LSAMP: variants seen among roughly 807,000 people sequenced by gnomAD.
LSAMP encodes the protein limbic system associated membrane protein.
Under a neutral mutation model 38.6 loss-of-function variants are expected in LSAMP, and 7 were observed. The observed-to-expected ratio is 0.18, with a 90% confidence interval of 0.10 to 0.34. The LOEUF (loss-of-function observed/expected upper bound fraction) is 0.34. Ranked by LOEUF, LSAMP falls within the 10% of genes least tolerant of loss-of-function variation. The probability of loss-of-function intolerance (pLI) is 1.00; values close to 1 mark genes in which losing one functional copy is unlikely to be tolerated. For synonymous variants in LSAMP, 154 were observed against 166.8 expected (o/e 0.92, Z 0.59); for missense variants, 313 against 420.0 (o/e 0.75, Z 2.23).
chr3:116,232,957 CCCCCAA>C (rs1406170052), intron 1 of LSAMP, among the ~76,000 whole-genome samples: 1 of 151,782 alleles, frequency 6.6e-6, no homozygotes, highest in Admixed American at 6.6e-5. Context: ...TATTTAATAC[CCCCCAA>C]CCCCAACCAG....
intron 1 of LSAMP, among the ~76,000 whole-genome samples, chr3:116,321,320 T>A (rs959281833): frequency 6.6e-6 from 1 of 151,998 alleles, no homozygotes; most frequent in Non-Finnish European, 1.5e-5. Context: ...CTTCAGTAAG[T>A]CATGATCTTA....
intron 1 of LSAMP, among the ~76,000 whole-genome samples, chr3:116,321,583 G>A (rs376708792): frequency 1.3e-5 from 2 of 152,040 alleles, no homozygotes; most frequent in South Asian, 2.1e-4. Flanking sequence ...ACTGAATTGA[G>A]ATGGATTAAT....
chr3:116,182,169 C>G (rs919961123), intron 1 of LSAMP, among the ~76,000 whole-genome samples: 2 of 151,782 alleles, frequency 1.3e-5, no homozygotes, highest in Non-Finnish European at 2.9e-5. Flanking sequence ...TTGGTAGGTA[C>G]TGGTAGATTC....
At chr3:115,951,858 A>G (rs1351148184) in intron 3 of LSAMP, among the ~76,000 whole-genome samples, 3 of 152,052 alleles carry the variant, frequency 2.0e-5, no homozygotes, top group Non-Finnish European at 4.4e-5. Context: ...ATATATATAT[A>G]TATCCTATTA....
At chr3:116,350,964 G>A (rs571590062) in intron 1 of LSAMP, among the ~76,000 whole-genome samples, 41 of 152,108 alleles carry the variant, frequency 2.7e-4, no homozygotes, top group Middle Eastern at 3.4e-3. Flanking sequence ...CATGGTTTCA[G>A]GCGTCACTGA....
chr3:116,175,508 T>G (rs1174301258), intron 1 of LSAMP, among the ~76,000 whole-genome samples: 1 of 152,008 alleles, frequency 6.6e-6, no homozygotes, highest in Non-Finnish European at 1.5e-5. Context: ...TATCCTGCTT[T>G]GATTTAACCT....
intron 1 of LSAMP, among the ~76,000 whole-genome samples, chr3:116,172,822 G>A (rs964110371): frequency 6.6e-6 from 1 of 151,928 alleles, no homozygotes; most frequent in Non-Finnish European, 1.5e-5. Flanking sequence ...ATAACCTAAA[G>A]GTAAGGGTTG....
Position 115,837,446 on chromosome 3 carries a change from C to A in LSAMP, c.919+4399G>T, listed in dbSNP as rs965475001. Among the ~76,000 whole-genome samples, 3 of 119,610 alleles carry A rather than the reference C, an allele frequency of 2.5e-5. No individual in the cohort carries two copies. In the East Asian group the frequency reaches 5.9e-4, roughly 23 times the overall value. The allele number at this position is 119,610 out of a possible 152,430, so 78.5% of individuals were successfully genotyped here. ...CTCCTTATTCTCCTCCTAGACCAAA[C>A]GCTGACTACTAGGCTAAACGCTGAC... is the stretch of plus-strand genomic sequence containing the variant. On this transcript the variant is annotated intron_variant, in intron 6 of 6. Transcript: ENST00000490035.
At chr3:116,112,853 C>T (rs1377293909) in intron 1 of LSAMP, among the ~76,000 whole-genome samples, 1 of 152,188 alleles carries the variant, frequency 6.6e-6, no homozygotes, top group Non-Finnish European at 1.5e-5. Flanking sequence ...GCCCTTTTTA[C>T]ATTTTGAATC....
chr3:115,970,028 G>C lies in LSAMP; in HGVS notation c.514+49487C>G, dbSNP rs1273011394. On this transcript the variant is annotated intron_variant, in intron 3 of 6. Coordinates refer to ENST00000490035, the MANE Select transcript of LSAMP (RefSeq NM_002338.5). ...AACTGATTAATGACAATACTTCTGA[G>C]AGGTTGGAAGATGAGACATAGAGAA... is the stretch of plus-strand genomic sequence containing the variant. 1.2e-4 allele frequency among the ~76,000 whole-genome samples: 18 copies of C among 152,136 alleles called. 1 individual carries two copies. Among genetic ancestry groups the C allele is most frequent in the African/African-American group, 4.3e-4 (18 of 41,434 alleles).
At chr3:116,379,667 T>C (rs1576176720) in intron 1 of LSAMP, among the ~76,000 whole-genome samples, 1 of 152,012 alleles carries the variant, frequency 6.6e-6, no homozygotes, top group South Asian at 2.1e-4. Context: ...TTATAGGAAG[T>C]CAGAGGGTAC....
chr3:116,352,967 C>A (rs963237900), intron 1 of LSAMP, among the ~76,000 whole-genome samples: 1 of 152,106 alleles, frequency 6.6e-6, no homozygotes, highest in Non-Finnish European at 1.5e-5. Context: ...GAATTTCATA[C>A]CTAACTTCGT....
intron 1 of LSAMP, among the ~76,000 whole-genome samples, chr3:116,212,616 A>G (rs1234119290): frequency 6.6e-6 from 1 of 152,212 alleles, no homozygotes; most frequent in Non-Finnish European, 1.5e-5. Context: ...AGTTGATTAG[A>G]TACTAAAAAT....
chr3:116,411,000 A>G (rs1440405047), intron 1 of LSAMP, among the ~76,000 whole-genome samples: 16 of 152,066 alleles, frequency 1.1e-4, no homozygotes, highest in Admixed American at 1.0e-3. Flanking sequence ...GTTGAAATTT[A>G]ATCGTAACAG....
At chr3:116,004,756 T>C (rs1302052163) in intron 3 of LSAMP, among the ~76,000 whole-genome samples, 1 of 152,120 alleles carries the variant, frequency 6.6e-6, no homozygotes, top group African/African-American at 2.4e-5. Context: ...ATGGAATCCC[T>C]ACTGGTATCT....
intron 1 of LSAMP, among the ~76,000 whole-genome samples, chr3:116,439,636 T>C (rs1369637804): frequency 6.6e-6 from 1 of 152,266 alleles, no homozygotes; most frequent in Non-Finnish European, 1.5e-5. Flanking sequence ...TGTAGCACTT[T>C]ATAATTCAAC....
intron 1 of LSAMP, among the ~76,000 whole-genome samples, chr3:116,393,637 G>A (rs1305614228): frequency 6.6e-6 from 1 of 152,164 alleles, no homozygotes; most frequent in Non-Finnish European, 1.5e-5. Flanking sequence ...TAACCACAGA[G>A]TTTTCTAGCC....
chr3:116,109,289 A>G (rs958758862), intron 1 of LSAMP, among the ~76,000 whole-genome samples: 1 of 152,050 alleles, frequency 6.6e-6, no homozygotes, highest in South Asian at 2.1e-4. Context: ...AGGTGTGAGG[A>G]GGGGAGGCAA....
chr3:115,872,365 G>A (rs1450982970), intron 3 of LSAMP, among the ~76,000 whole-genome samples: 1 of 152,106 alleles, frequency 6.6e-6, no homozygotes, highest in Non-Finnish European at 1.5e-5. Context: ...GGCAGGTTTG[G>A]CTGCCCCATG....
Sources: allele counts gnomAD v4.1 joint callset (sites outside exome capture counted in the v4.1 genomes callset), GRCh38; gene constraint gnomAD v4.1.1; transcripts MANE v1.5; gene names NCBI Gene and HGNC (gene_info 2026-07-23, HGNC 2026-07-21).